The following CTTNBP2 variants were observed in gnomAD, a reference collection of about 807,000 sequenced individuals.
CTTNBP2 encodes the protein cortactin binding protein 2, also known as cortactin-binding protein 2.
Under a neutral mutation model 156.9 loss-of-function variants are expected in CTTNBP2, and 108 were observed. The ratio of observed to expected loss-of-function variants is 0.69; its 90% confidence interval spans 0.59 to 0.81. The LOEUF (loss-of-function observed/expected upper bound fraction) is 0.81. Ranked by LOEUF, CTTNBP2 falls within the 30% of genes least tolerant of loss-of-function variation. The pLI, the probability that CTTNBP2 is intolerant of heterozygous loss-of-function variation, is 0.00. For synonymous variants in CTTNBP2, 767 were observed against 751.8 expected, an observed-to-expected ratio of 1.02 and a Z score of -0.33; for missense variants, 1,924 against 2,035.4, an observed-to-expected ratio of 0.95 and a Z score of 1.05.
intron 3 of CTTNBP2, among the ~76,000 whole-genome samples, chr7:117,801,540 G>A (rs1799602392): frequency 6.6e-6 from 1 of 152,116 alleles, no homozygotes; most frequent in Admixed American, 6.5e-5. Flanking sequence ...GGAACAACTG[G>A]GGGGAAATGA....
At chr7:117,737,108 T>A (rs1473086874) in intron 14 of CTTNBP2, among the ~76,000 whole-genome samples, 2 of 152,208 alleles carry the variant, frequency 1.3e-5, no homozygotes, top group Admixed American at 6.5e-5. Context: ...AATCTAGTTG[T>A]ACTTGTGGAG....
chr7:117,717,390 C>T (rs1794473565), intron 22 of CTTNBP2, among the ~76,000 whole-genome samples: 1 of 150,754 alleles, frequency 6.6e-6, no homozygotes, highest in Non-Finnish European at 1.5e-5. Flanking sequence ...ATAATTAACT[C>T]TAATTTTCTA....
In CTTNBP2 at chr7:117,811,859, TA is replaced by T. The variant is rs1800306109; in HGVS notation, c.190-871del. On this transcript the variant is annotated intron_variant, in intron 2 of 22. Coordinates refer to ENST00000160373, the MANE Select transcript of CTTNBP2 (RefSeq NM_033427.3). Reference sequence around the variant, plus strand: ...TTTTAATTAAATTAAAATTTTAATGTAAAAATTTTAATTAAATTAAAATTTT... The same window carrying T: ...TTTTAATTAAATTAAAATTTTAATGTAAAATTTTAATTAAATTAAAATTTT... Among the ~76,000 whole-genome samples the T allele has an allele frequency of 7.5e-4, 44 of 59,044 alleles. 1 individual carries two copies. Among genetic ancestry groups the T allele is most frequent in the African/African-American group, 1.0e-4 (1 of 9,698 alleles). 38.7% of individuals were successfully genotyped at this position (59,044 alleles called of 152,430 possible).
chr7:117,853,252 T>C (rs941195181), intron 2 of CTTNBP2, among the ~76,000 whole-genome samples: 1 of 152,218 alleles, frequency 6.6e-6, no homozygotes, highest in African/African-American at 2.4e-5. Flanking sequence ...GAAACTGTTT[T>C]AGTTTAAAAT....
At chr7:117,794,981 G>T (rs957952584) in intron 3 of CTTNBP2, among the ~76,000 whole-genome samples, 3 of 136,632 alleles carry the variant, frequency 2.2e-5, no homozygotes, top group African/African-American at 8.4e-5. Flanking sequence ...TGCAAGCTCC[G>T]CTTCCCGGGT....
intron 1 of CTTNBP2, among the ~76,000 whole-genome samples, chr7:117,864,888 TC>T: frequency 6.9e-6 from 1 of 144,374 alleles, no homozygotes; most frequent in South Asian, 2.1e-4. Flanking sequence ...ATATATTCAT[TC>T]AATATATATT....
At chr7:117,842,209 C>CT (rs917434790) in intron 2 of CTTNBP2, among the ~76,000 whole-genome samples, 12 of 152,004 alleles carry the variant, frequency 7.9e-5, no homozygotes, top group Admixed American at 2.0e-4. Flanking sequence ...CCGAAAAAGT[C>CT]TTTTTTTTAA....
Position 117,782,915 on chromosome 7 carries a change from A to C in CTTNBP2, c.2319T>G (p.Ala773=), listed in dbSNP as rs914678549. The C allele has an allele frequency of 1.2e-6, 2 of 1,614,030 alleles. No homozygotes were observed. The highest frequency in any genetic ancestry group is 2.7e-5 in the African/African-American group (2 of 74,940). ...ACAAGGGTGTGAAGCCATTTTTATC[A>C]GCAGCATTGACTTGGGCTTCTGCAC... ...LLSAEAQVNA[A]DKNGFTPLCA... is the part of the protein sequence containing the mutation. The change falls in exon 6 of 23, where the codon GCT becomes GCG. Residue 773 remains alanine (A), a synonymous_variant. Coordinates refer to ENST00000160373, the MANE Select transcript of CTTNBP2 (RefSeq NM_033427.3).
At chr7:117,788,068 G>A (rs141091398) in intron 4 of CTTNBP2, among the ~76,000 whole-genome samples, 5 of 152,220 alleles carry the variant, frequency 3.3e-5, no homozygotes, top group East Asian at 1.9e-4. Context: ...TTGACTTCCC[G>A]AATTCAAGTG....
intron 2 of CTTNBP2, among the ~76,000 whole-genome samples, chr7:117,813,597 TTATC>T (rs1286778834): frequency 6.6e-6 from 1 of 152,268 alleles, no homozygotes; most frequent in Non-Finnish European, 1.5e-5. Context: ...TCATGGATCT[TTATC>T]TAAACAAAAG....
At chr7:117,775,733 T>C (rs982187985) in intron 8 of CTTNBP2, among the ~76,000 whole-genome samples, 1 of 152,250 alleles carries the variant, frequency 6.6e-6, no homozygotes, top group African/African-American at 2.4e-5. Context: ...AAAAGATTCA[T>C]AGTCCTAGAT....
chr7:117,846,762 T>C, intron 2 of CTTNBP2, among the ~76,000 whole-genome samples: 1 of 152,154 alleles, frequency 6.6e-6, no homozygotes, highest in East Asian at 1.9e-4. Flanking sequence ...TATTACGATC[T>C]AACCATCTTC....
chr7:117,811,110 TATG>T, intron 2 of CTTNBP2, 121 bp from the exon 3 acceptor site: 3 of 736,558 alleles, frequency 4.1e-6, no homozygotes, highest in Non-Finnish European at 6.6e-6. Flanking sequence ...AGTAATGGCT[TATG>T]ATGTCAGTGG....
intron 1 of CTTNBP2, among the ~76,000 whole-genome samples, chr7:117,867,438 A>T (rs1804276967): frequency 6.6e-6 from 1 of 152,046 alleles, no homozygotes; most frequent in African/African-American, 2.4e-5. Context: ...TCCTCATAGT[A>T]AACTTATTAT....
intron 2 of CTTNBP2, among the ~76,000 whole-genome samples, chr7:117,833,383 A>G (rs1801738378): frequency 6.6e-6 from 1 of 152,146 alleles, no homozygotes; most frequent in Admixed American, 6.5e-5. Flanking sequence ...GTCTTCCTTC[A>G]TGACAGTCAT....
intron 2 of CTTNBP2, among the ~76,000 whole-genome samples, chr7:117,841,739 T>A (rs947333061): frequency 6.6e-6 from 1 of 152,250 alleles, no homozygotes; most frequent in African/African-American, 2.4e-5. Flanking sequence ...TGCATGATTA[T>A]ACAGGCAGAG....
chr7:117,835,026 A>G (rs1334114909), intron 2 of CTTNBP2, among the ~76,000 whole-genome samples: 2 of 152,240 alleles, frequency 1.3e-5, no homozygotes, highest in Non-Finnish European at 2.9e-5. Context: ...AACTCTTCAG[A>G]TAATTGCCAG....
intron 12 of CTTNBP2, among the ~76,000 whole-genome samples, chr7:117,751,907 T>C (rs1051440162): frequency 8.5e-5 from 13 of 152,194 alleles, no homozygotes; most frequent in Admixed American, 7.9e-4. Context: ...CCCAGGATCC[T>C]CTTCCACTAT....
intron 12 of CTTNBP2, among the ~76,000 whole-genome samples, chr7:117,751,414 C>A (rs1304468435): frequency 6.6e-6 from 1 of 152,180 alleles, no homozygotes; most frequent in South Asian, 2.1e-4. Flanking sequence ...AAAATTGGGA[C>A]CGTTAAAATC....
Sources: allele counts gnomAD v4.1 joint callset (sites outside exome capture counted in the v4.1 genomes callset), GRCh38; gene constraint gnomAD v4.1.1; transcripts MANE v1.5; gene names NCBI Gene and HGNC (gene_info 2026-07-23, HGNC 2026-07-21).